The following NAV2 variants were observed in gnomAD, a reference collection of about 807,000 sequenced individuals.
NAV2 encodes the protein neuron navigator 2.
A neutral mutation model predicts 223.2 loss-of-function variants in NAV2; 54 were observed. That is an observed-to-expected ratio of 0.24 (90% confidence interval 0.19 to 0.30). The LOEUF is 0.30. Ranked by LOEUF, NAV2 falls within the 10% of genes least tolerant of loss-of-function variation. NAV2 has a pLI of 1.00. For missense variants in NAV2, 2,806 were observed against 3,147.5 expected (o/e 0.89, Z 2.60); for synonymous variants, 1,279 against 1,239.3 (o/e 1.03, Z -0.67).
chr11:20,003,439 G>A (rs2052753093), intron 11 of NAV2, among the ~76,000 whole-genome samples: 1 of 152,124 alleles, frequency 6.6e-6, no homozygotes, highest in South Asian at 2.1e-4. Flanking sequence ...CTAGAAACAG[G>A]ACCAGAATCC....
At chr11:19,510,755 C>T (rs2043254151) in intron 1 of NAV2, 2 of 151,278 alleles carry the variant, frequency 1.3e-5, no homozygotes, top group Non-Finnish European at 2.9e-5. Context: ...CATCTAGGGA[C>T]ACTGGACTGG....
rs930210214 is a variant in NAV2 at position 19,361,039 on chromosome 11, G to A, written c.75+10012G>A. On this transcript the variant is annotated intron_variant, in intron 1 of 37. Transcript: ENST00000360655. ...TGAGTTTCAATCCTGGCCTCAGAAAGTCCTGGGAAAAAGTCCAGAAATCTT... is the reference window on the plus strand; with the variant it reads ...TGAGTTTCAATCCTGGCCTCAGAAAATCCTGGGAAAAAGTCCAGAAATCTT... Among the ~76,000 whole-genome samples, 13 of 152,138 alleles carry A rather than the reference G, an allele frequency of 8.5e-5. No individual in the cohort carries two copies. In the East Asian group the frequency reaches 2.3e-3, roughly 27 times the overall value.
chr11:19,479,659 A>G (rs895546146), intron 1 of NAV2, among the ~76,000 whole-genome samples: 14 of 152,200 alleles, frequency 9.2e-5, no homozygotes, highest in African/African-American at 3.4e-4. Context: ...AAAATATATT[A>G]GCTAATTAAT....
chr11:19,441,077 G>A (rs1851382820), intron 1 of NAV2, among the ~76,000 whole-genome samples: 1 of 152,182 alleles, frequency 6.6e-6, no homozygotes, highest in Admixed American at 6.5e-5. Context: ...AAAGGAGAAA[G>A]CCCAGGAAGC....
chr11:19,411,113 G>A (rs188074867), intron 1 of NAV2, among the ~76,000 whole-genome samples: 123 of 152,212 alleles, frequency 8.1e-4, no homozygotes, highest in African/African-American at 2.8e-3. Flanking sequence ...TTAAACCCAG[G>A]TTGCTTGACC....
intron 1 of NAV2, among the ~76,000 whole-genome samples, chr11:19,831,254 G>C (rs2059926547): frequency 7.1e-6 from 1 of 141,280 alleles, no homozygotes; most frequent in Non-Finnish European, 1.5e-5. Flanking sequence ...GGGGAGTGGG[G>C]GGGGATGACC....
intron 22 of NAV2, among the ~76,000 whole-genome samples, chr11:20,075,667 C>T (rs2059693256): frequency 6.6e-6 from 1 of 152,030 alleles, no homozygotes. Flanking sequence ...TAGCCTCCAC[C>T]ATCCCTGTTT....
At chr11:19,962,088 G>A (rs537873929) in intron 10 of NAV2, among the ~76,000 whole-genome samples, 160 of 151,554 alleles carry the variant, frequency 1.1e-3, no homozygotes, top group African/African-American at 3.6e-3. Context: ...CTTTAGACTC[G>A]AGCTGCAACA....
chr11:19,560,822 G>A (rs7122691), intron 1 of NAV2, among the ~76,000 whole-genome samples: 4,652 of 152,268 alleles, frequency 0.031, 267 homozygotes, highest in African/African-American at 0.11. Context: ...AAATGCTCAT[G>A]TCAGTACACA....
intron 1 of NAV2, among the ~76,000 whole-genome samples, chr11:19,731,343 G>A (rs956241235): frequency 2.6e-5 from 4 of 152,244 alleles, no homozygotes; most frequent in African/African-American, 9.6e-5. Flanking sequence ...CCCACAGTGG[G>A]AAGGGAAGCT....
At chr11:19,634,412 AAATAATCTGTACAACAAAC>A (rs2047433351) in intron 1 of NAV2, among the ~76,000 whole-genome samples, 1 of 152,204 alleles carries the variant, frequency 6.6e-6, no homozygotes, top group Non-Finnish European at 1.5e-5. Context: ...CTGGGTGATG[AAATAATCTGTACAACAAAC>A]CCCCATGACA....
In NAV2 at chr11:20,078,254, C is replaced by T. The variant is rs1031828251; in HGVS notation, c.5179+150C>T. The T allele has an allele frequency of 1.2e-5, 8 of 669,620 alleles. No homozygotes were observed. In the African/African-American group the frequency reaches 1.3e-4, roughly 11 times the overall value. 41.5% of individuals were successfully genotyped at this position (669,620 alleles called of 1,614,324 possible). ...CAAGCAGGAACTGGAAGGCAAACAC[C>T]TTTAATCAAGTCACTTCTGGCCTCT... is the stretch of plus-strand genomic sequence containing the variant. On this transcript the variant is annotated intron_variant, in intron 24 of 37. Transcript: ENST00000349880.
chr11:19,610,918 C>G (rs557931526), intron 1 of NAV2, among the ~76,000 whole-genome samples: 1 of 151,566 alleles, frequency 6.6e-6, no homozygotes, highest in Non-Finnish European at 1.5e-5. Flanking sequence ...AGCACCTCCT[C>G]GTCTTTCTCC....
chr11:19,677,042 G>T (rs2048734258), intron 1 of NAV2, among the ~76,000 whole-genome samples: 1 of 152,190 alleles, frequency 6.6e-6, no homozygotes, highest in African/African-American at 2.4e-5. Context: ...AATCAAGACT[G>T]CCAGCCACAG....
intron 10 of NAV2, among the ~76,000 whole-genome samples, chr11:19,983,313 C>T (rs867876749): frequency 6.6e-6 from 1 of 152,122 alleles, no homozygotes; most frequent in African/African-American, 2.4e-5. Flanking sequence ...TTCCAGACAT[C>T]CTCCCTCTCA....
intron 1 of NAV2, among the ~76,000 whole-genome samples, chr11:19,822,625 G>C (rs1408357494): frequency 2.0e-5 from 3 of 152,150 alleles, no homozygotes; most frequent in Non-Finnish European, 4.4e-5. Flanking sequence ...GCAGGTATTA[G>C]GGTTTATCTT....
At chr11:19,722,951 TATG>T (rs2050884740) in intron 1 of NAV2, among the ~76,000 whole-genome samples, 2 of 152,324 alleles carry the variant, frequency 1.3e-5, no homozygotes, top group South Asian at 2.1e-4. Context: ...CAAGGCTGTT[TATG>T]ATATCCAAAC....
At chr11:19,881,883 C>A (rs1366241705) in intron 5 of NAV2, among the ~76,000 whole-genome samples, 3 of 152,106 alleles carry the variant, frequency 2.0e-5, no homozygotes, top group Non-Finnish European at 2.9e-5. Context: ...AGAGCATAAA[C>A]AAGGTTATTA....
intron 26 of NAV2, among the ~76,000 whole-genome samples, chr11:20,089,708 G>A (rs1291397854): frequency 2.6e-5 from 4 of 152,134 alleles, no homozygotes; most frequent in African/African-American, 4.8e-5. Flanking sequence ...TAAGATCGTC[G>A]AAACTCACAG....
Sources: allele counts gnomAD v4.1 joint callset (sites outside exome capture counted in the v4.1 genomes callset), GRCh38; gene constraint gnomAD v4.1.1; transcripts MANE v1.5; gene names NCBI Gene and HGNC (gene_info 2026-07-23, HGNC 2026-07-21).